SMYD3: variants seen among roughly 807,000 people sequenced by gnomAD.
The protein encoded by SMYD3 is SET and MYND domain containing 3.
SMYD3 carries 36 observed loss-of-function variants against 57.7 expected under a neutral mutation model. The ratio of observed to expected loss-of-function variants is 0.62; its 90% CI spans 0.48 to 0.82. The LOEUF (loss-of-function observed/expected upper bound fraction) is 0.82. Ranked by LOEUF, SMYD3 falls within the 40% of genes least tolerant of loss-of-function variation. The pLI is 0.00. For synonymous variants in SMYD3, 211 were observed against 195.0 expected, an observed-to-expected ratio of 1.08 and a Z score of -0.68; for missense variants, 515 against 538.8, an observed-to-expected ratio of 0.96 and a Z score of 0.44.
chr1:246,366,079 G>A (rs1343113317), intron 1 of SMYD3, among the ~76,000 whole-genome samples: 1 of 152,086 alleles, frequency 6.6e-6, no homozygotes, highest in Non-Finnish European at 1.5e-5. Context: ...ATAACGAGCA[G>A]AATCAAGATA....
rs975584714 is a variant in SMYD3, at chr1:246,202,401, C to T, written c.531+124800G>A. On this transcript the variant is annotated intron_variant, in intron 5 of 11. Coordinates refer to ENST00000490107, the MANE Select transcript of SMYD3 (RefSeq NM_001167740.2). This position sits in a 1 kb window ranked among gnomAD's most constrained non-coding sequence, Gnocchi z 4.1. The stretch of plus-strand genomic sequence containing the variant: ...TATGAAGCTTTCCAATCTCTTAGCC[C>T]AAGTTCTTTTTCCAACCAAGTCAGA... 1.3e-5 allele frequency among the ~76,000 whole-genome samples: 2 copies of T among 152,124 alleles called. No homozygotes were observed. Among genetic ancestry groups the T allele is most frequent in the African/African-American group, 4.8e-5 (2 of 41,412 alleles).
At chr1:245,806,877 TCC>T (rs2048191431) in intron 10 of SMYD3, among the ~76,000 whole-genome samples, 1 of 115,878 alleles carries the variant, frequency 8.6e-6, no homozygotes, top group Admixed American at 1.3e-4. Context: ...GCCACTGCAG[TCC>T]GCAATCCGGC....
At chr1:245,791,912 A>T (rs1337305197) in intron 10 of SMYD3, among the ~76,000 whole-genome samples, 1 of 151,536 alleles carries the variant, frequency 6.6e-6, no homozygotes, top group African/African-American at 2.4e-5. Context: ...CCAATGACAG[A>T]CCATCTGATT....
chr1:245,878,271 GTT>G (rs2052597458), intron 8 of SMYD3, among the ~76,000 whole-genome samples: 1 of 152,180 alleles, frequency 6.6e-6, no homozygotes, highest in Non-Finnish European at 1.5e-5. Context: ...TGGAAAAAGA[GTT>G]TGTTTCTTAT....
chr1:246,165,888 G>C (rs2062200502), intron 5 of SMYD3, among the ~76,000 whole-genome samples: 1 of 152,096 alleles, frequency 6.6e-6, no homozygotes, highest in African/African-American at 2.4e-5. Context: ...ATTAGGGTGA[G>C]AGGAGGCCCT....
intron 10 of SMYD3, among the ~76,000 whole-genome samples, chr1:245,820,182 A>G (rs1283445319): frequency 1.3e-5 from 2 of 150,716 alleles, no homozygotes; most frequent in South Asian, 2.1e-4. Flanking sequence ...CAGCACATCA[A>G]AAAGCTTATC....
chr1:245,993,107 G>A (rs181093885), intron 5 of SMYD3, among the ~76,000 whole-genome samples: 4 of 152,324 alleles, frequency 2.6e-5, no homozygotes, highest in African/African-American at 7.2e-5. Flanking sequence ...TGCACTCAAC[G>A]TTTACTGGGT....
intron 1 of SMYD3, among the ~76,000 whole-genome samples, chr1:246,361,374 T>A (rs2065984367): frequency 6.6e-6 from 1 of 152,214 alleles, no homozygotes; most frequent in Non-Finnish European, 1.5e-5. Flanking sequence ...ACAACCACTA[T>A]GGAAAACAGT....
rs192754350 is a variant in SMYD3, at chr1:246,174,619, G to T, written c.531+152582C>A. ...ATGCCACCACGCCTGACTAATTTTT[G>T]TATTTTTAGTAGAGATGGGGTTTCA... On this transcript the variant is annotated intron_variant, in intron 5 of 11. Coordinates refer to ENST00000490107, the MANE Select transcript of SMYD3 (RefSeq NM_001167740.2). Among the ~76,000 whole-genome samples the T allele has an allele frequency of 2.8e-3, 421 of 152,232 alleles. 1 individual carries two copies. Among genetic ancestry groups the T allele is most frequent in the Non-Finnish European group, 5.0e-3 (339 of 68,010 alleles).
At chr1:246,251,095 G>T (rs147415402) in intron 5 of SMYD3, among the ~76,000 whole-genome samples, 1 of 152,188 alleles carries the variant, frequency 6.6e-6, no homozygotes, top group Non-Finnish European at 1.5e-5. Flanking sequence ...TTGTCCTTTG[G>T]GCTACATGTC....
chr1:246,126,604 G>A (rs1012307269), intron 5 of SMYD3, among the ~76,000 whole-genome samples: 1 of 152,118 alleles, frequency 6.6e-6, no homozygotes, highest in African/African-American at 2.4e-5. Context: ...ACAATAACCA[G>A]GCATCAATCT....
rs184868681 is a variant in SMYD3, at chr1:246,326,694, G to A, written c.531+507C>T. The A allele has an allele frequency of 2.5e-4, 75 of 296,156 alleles. 2 individuals carry two copies. In the East Asian group the frequency reaches 4.0e-3, roughly 16 times the overall value. The allele number at this position is 296,156 out of a possible 1,614,324, so 18.3% of individuals were successfully genotyped here. On this transcript the variant is annotated intron_variant, in intron 5 of 11. Coordinates refer to ENST00000490107, the MANE Select transcript of SMYD3 (RefSeq NM_001167740.2). ...CATGAGACTCGCTTGATTCTGGGAG[G>A]CGGAGATTGCAGTGAGCCGAGATCG...
chr1:246,028,767 T>G (rs1444986624), intron 5 of SMYD3, among the ~76,000 whole-genome samples: 1 of 152,130 alleles, frequency 6.6e-6, no homozygotes, highest in Non-Finnish European at 1.5e-5. Context: ...AGACCATGAA[T>G]AGCCAAAGCA....
chr1:246,221,058 G>A (rs1487164810), intron 5 of SMYD3, among the ~76,000 whole-genome samples: 6 of 151,944 alleles, frequency 3.9e-5, no homozygotes, highest in Admixed American at 6.6e-5. Flanking sequence ...ATGATGGGAC[G>A]ACCTGCCTGC....
At chr1:245,926,536 G>A (rs2056386322) in intron 7 of SMYD3, among the ~76,000 whole-genome samples, 1 of 152,190 alleles carries the variant, frequency 6.6e-6, no homozygotes, top group Non-Finnish European at 1.5e-5. Flanking sequence ...GGATTTGCTT[G>A]TTGCTCCAGA....
intron 5 of SMYD3, among the ~76,000 whole-genome samples, chr1:245,948,224 CGAAACAGCAGGACGGAATCGCAACTG>C (rs1485126803): frequency 7.2e-5 from 11 of 152,036 alleles, no homozygotes; most frequent in African/African-American, 1.2e-4. Context: ...AAAGAAGAAT[CGAAACAGCAGGACGGAATCGCAACTG>C]GAAACAGCAG....
At chr1:246,385,951 C>T (rs766848621) in intron 1 of SMYD3, among the ~76,000 whole-genome samples, 5 of 151,968 alleles carry the variant, frequency 3.3e-5, no homozygotes, top group Non-Finnish European at 5.9e-5. Context: ...TGCAGTGGCA[C>T]GATCTCGGCT....
intron 5 of SMYD3, among the ~76,000 whole-genome samples, chr1:246,141,618 G>A (rs768941232): frequency 1.2e-4 from 19 of 152,250 alleles, no homozygotes; most frequent in South Asian, 1.0e-3. Flanking sequence ...GTCCTTTACA[G>A]AACCACAGCC....
At chr1:246,149,212 A>G (rs1350320899) in intron 5 of SMYD3, among the ~76,000 whole-genome samples, 3 of 152,218 alleles carry the variant, frequency 2.0e-5, no homozygotes, top group Admixed American at 6.5e-5. Flanking sequence ...ATGGAGATCT[A>G]TATCAAAACC....
Sources: gnomAD v4.1 joint callset for allele counts (sites outside exome capture counted in the v4.1 genomes callset) on GRCh38, gnomAD v4.1.1 for gene constraint, Gnocchi (gnomAD v3.1) non-coding constraint, MANE v1.5 for transcripts, NCBI Gene and HGNC (gene_info 2026-07-23, HGNC 2026-07-21) for gene names.